Variants in RTN4IP1 observed in about 807,000 individuals in gnomAD.
The protein encoded by RTN4IP1 is NAD(P)H oxidoreductase RTN4IP1, mitochondrial.
RTN4IP1 carries 32 observed loss-of-function variants against 46.6 expected under a neutral mutation model. That is an observed-to-expected ratio of 0.69 (90% CI 0.52 to 0.92). RTN4IP1 has a LOEUF of 0.92. RTN4IP1 is among the 40% of genes least tolerant of loss of function. The probability of loss-of-function intolerance (pLI) is 0.00; values close to 1 mark genes in which losing one functional copy is unlikely to be tolerated. For synonymous variants in RTN4IP1, 167 were observed against 161.8 expected, an observed-to-expected ratio of 1.03 and a Z score of -0.24; for missense variants, 424 against 485.8, an observed-to-expected ratio of 0.87 and a Z score of 1.20.
At chr6:106,576,694 C>T (rs58482231) in intron 8 of RTN4IP1, among the ~76,000 whole-genome samples, 5,009 of 152,278 alleles carry the variant, frequency 0.033, 267 homozygotes, top group East Asian at 0.19. Context: ...CCTCTAGACA[C>T]GTGACTATTT....
At chr6:106,582,925 T>G (rs1775403863) in intron 8 of RTN4IP1, among the ~76,000 whole-genome samples, 1 of 152,130 alleles carries the variant, frequency 6.6e-6, no homozygotes, top group African/African-American at 2.4e-5. Flanking sequence ...TCAGATGGAC[T>G]ATTTATTTGC....
intron 8 of RTN4IP1, among the ~76,000 whole-genome samples, chr6:106,581,380 AT>A (rs1239454742): frequency 6.6e-6 from 1 of 152,226 alleles, no homozygotes; most frequent in African/African-American, 2.4e-5. Context: ...TCCTCCTCCA[AT>A]TTAACAAATC....
chr6:106,598,707 C>T (rs1370728426), intron 5 of RTN4IP1, among the ~76,000 whole-genome samples: 1 of 151,644 alleles, frequency 6.6e-6, no homozygotes, highest in Non-Finnish European at 1.5e-5. Context: ...TTAATTAGAT[C>T]CCATTTGTCA....
intron 4 of RTN4IP1, among the ~76,000 whole-genome samples, chr6:106,616,382 T>C (rs901760000): frequency 4.6e-5 from 7 of 152,216 alleles, no homozygotes; most frequent in African/African-American, 1.4e-4. Flanking sequence ...TAGAAAGATT[T>C]GTCCTAATTT....
intron 8 of RTN4IP1, among the ~76,000 whole-genome samples, chr6:106,579,906 G>A (rs562068087): frequency 6.6e-5 from 10 of 151,630 alleles, no homozygotes; most frequent in South Asian, 2.1e-4. Flanking sequence ...GAGCCACCAC[G>A]CCCAGCTCAG....
intron 4 of RTN4IP1, among the ~76,000 whole-genome samples, chr6:106,605,171 C>T (rs1776031693): frequency 6.6e-6 from 1 of 152,242 alleles, no homozygotes; most frequent in South Asian, 2.1e-4. Context: ...CGCGGTAGCT[C>T]ATGCCTGTAA....
intron 5 of RTN4IP1, among the ~76,000 whole-genome samples, chr6:106,597,831 G>A (rs1775836897): frequency 2.0e-5 from 3 of 151,882 alleles, no homozygotes; most frequent in South Asian, 4.1e-4. Flanking sequence ...ATCTCCCAAC[G>A]CTATCCCTCC....
At position 106,571,558 on chromosome 6, in the gene RTN4IP1, G is replaced by GT. The variant is rs1384306560; in HGVS notation, c.*437dup. 35 of 155,174 alleles carry GT rather than the reference G, an allele frequency of 2.3e-4. No individual in the cohort carries two copies. The highest frequency in any genetic ancestry group is 8.2e-4 in the African/African-American group (34 of 41,458). The allele number at this position is 155,174 out of a possible 1,614,324, so 9.6% of individuals were successfully genotyped here. A position where few individuals can be genotyped will look rare whatever the true frequency, so the allele number is the denominator to read the frequency against. On this transcript the variant is annotated 3_prime_UTR_variant, in exon 9 of 9. Coordinates refer to ENST00000369063, the MANE Select transcript of RTN4IP1 (RefSeq NM_032730.5). ...CTAAAAATACAAAAAAACTAGCTGGGTGTGGTGATGCATACCTGTAGTCCT... is the reference window on the plus strand; with the variant it reads ...CTAAAAATACAAAAAAACTAGCTGGGTTGTGGTGATGCATACCTGTAGTCCT...
At chr6:106,623,233 A>G (rs558764296) in intron 1 of RTN4IP1, among the ~76,000 whole-genome samples, 1 of 152,350 alleles carries the variant, frequency 6.6e-6, no homozygotes, top group South Asian at 2.1e-4. Flanking sequence ...AGCCATAAAA[A>G]GGAACGAGAT....
At chr6:106,583,134 G>A (rs1775408239) in intron 8 of RTN4IP1, among the ~76,000 whole-genome samples, 194 bp downstream of exon 8, 1 of 152,168 alleles carries the variant, frequency 6.6e-6, no homozygotes. Flanking sequence ...TGCAGATGGA[G>A]CAGTCTGTGT....
intron 8 of RTN4IP1, among the ~76,000 whole-genome samples, chr6:106,578,914 CTTT>C (rs71752160): frequency 1.4e-5 from 2 of 144,988 alleles, no homozygotes; most frequent in East Asian, 2.0e-4. Flanking sequence ...TCTTCTTCTT[CTTT>C]TTTTTTTTTT....
chr6:106,619,310 T>G lies in RTN4IP1; in HGVS notation c.512A>C (p.Lys171Thr). Residue 171 changes from lysine (K) to threonine (T), a missense_variant, in exon 4 of 9, where the codon AAA becomes ACA. Transcript: ENST00000369063. ...GGCAGCTTGAGTATGAGTGAGTGAT[T>G]TGGGTTTGTGAGAGACCTACATTTG... is the stretch of plus-strand genomic sequence containing the variant. ...VSGNEVSHKP[K>T]SLTHTQAASL... The G allele has an allele frequency of 6.2e-7, 1 of 1,614,132 alleles. No homozygotes were observed. The highest frequency in any genetic ancestry group is 8.5e-7 in the Non-Finnish European group (1 of 1,180,010).
At chr6:106,626,000 A>T (rs1776627936) in intron 1 of RTN4IP1, among the ~76,000 whole-genome samples, 2 of 152,154 alleles carry the variant, frequency 1.3e-5, no homozygotes, top group African/African-American at 4.8e-5. Context: ...AAGTCTGTAT[A>T]CTAATGGAGA....
chr6:106,609,589 C>G (rs1178018725), intron 4 of RTN4IP1, among the ~76,000 whole-genome samples: 1 of 152,158 alleles, frequency 6.6e-6, no homozygotes, highest in African/African-American at 2.4e-5. Flanking sequence ...ACTGCTACTA[C>G]CTCAAGTGAG....
chr6:106,596,798 C>T (rs140288978), intron 5 of RTN4IP1, among the ~76,000 whole-genome samples: 3 of 152,138 alleles, frequency 2.0e-5, no homozygotes, highest in Non-Finnish European at 2.9e-5. Flanking sequence ...ATATTCCCCA[C>T]GTTCTTCATG....
chr6:106,612,135 C>T (rs1268209762), intron 4 of RTN4IP1, among the ~76,000 whole-genome samples: 1 of 151,922 alleles, frequency 6.6e-6, no homozygotes, highest in Non-Finnish European at 1.5e-5. Context: ...GCCTGTAATC[C>T]CAGGACTTTG....
chr6:106,605,906 A>AAAC (rs2114660242), intron 4 of RTN4IP1, among the ~76,000 whole-genome samples: 1 of 152,064 alleles, frequency 6.6e-6, no homozygotes, highest in South Asian at 2.1e-4. Context: ...CACTCTACTC[A>AAAC]AACAACACAA....
intron 4 of RTN4IP1, among the ~76,000 whole-genome samples, chr6:106,606,659 C>G (rs1776082837): frequency 1.3e-5 from 2 of 151,910 alleles, no homozygotes; most frequent in Admixed American, 1.3e-4. Flanking sequence ...CTAATCCCAG[C>G]ACTTTGGGAT....
At chr6:106,600,238 C>T (rs1167494331) in intron 5 of RTN4IP1, among the ~76,000 whole-genome samples, 4 of 152,020 alleles carry the variant, frequency 2.6e-5, no homozygotes, top group Admixed American at 6.5e-5. Flanking sequence ...TGAGGCTACT[C>T]GCTGGCCCCT....
Sources: gnomAD v4.1 joint callset for allele counts (sites outside exome capture counted in the v4.1 genomes callset) on GRCh38, gnomAD v4.1.1 for gene constraint, MANE v1.5 for transcripts, NCBI Gene and HGNC (gene_info 2026-07-23, HGNC 2026-07-21) for gene names.